Variants in LYPLA1 observed in about 807,000 individuals in gnomAD.
LYPLA1 encodes acyl-protein thioesterase 1.
In LYPLA1, 17 loss-of-function variants were observed where a neutral mutation model predicts 34.0. The observed-to-expected ratio is 0.50, with a 90% CI of 0.34 to 0.75. The LOEUF is 0.75. Ranked by LOEUF, LYPLA1 falls within the 30% of genes least tolerant of loss-of-function variation. LYPLA1 has a pLI of 0.01. For missense variants in LYPLA1, 203 were observed against 288.8 expected (o/e 0.70, Z 2.15); for synonymous variants, 98 against 100.8 (o/e 0.97, Z 0.17).
intron 2 of LYPLA1, among the ~76,000 whole-genome samples, chr8:54,093,677 CCTTTAATT>C (rs1370356249): frequency 1.3e-5 from 2 of 152,034 alleles, no homozygotes; most frequent in Non-Finnish European, 2.9e-5. Flanking sequence ...TATGTCTCAC[CCTTTAATT>C]CTTTATTTAT....
chr8:54,043,379 G>T (rs1056429076), downstream of LYPLA1, among the ~76,000 whole-genome samples: 2 of 152,202 alleles, frequency 1.3e-5, no homozygotes, highest in African/African-American at 4.8e-5. Context: ...GGATTCAAAT[G>T]ATTCTCCTGC....
chr8:54,075,225 CTG>C (rs1807798357), intron 2 of LYPLA1, among the ~76,000 whole-genome samples: 1 of 152,308 alleles, frequency 6.6e-6, no homozygotes, highest in East Asian at 1.9e-4. Context: ...CAGAAACCAG[CTG>C]CAAAGACAGA....
intron 2 of LYPLA1, among the ~76,000 whole-genome samples, chr8:54,089,462 T>C (rs1394095282): frequency 6.8e-6 from 1 of 146,576 alleles, no homozygotes; most frequent in Non-Finnish European, 1.5e-5. Context: ...TATCATAGGG[T>C]TTGGTACTCT....
chr8:54,085,606 G>A (rs1032863680), intron 2 of LYPLA1, among the ~76,000 whole-genome samples: 2 of 151,892 alleles, frequency 1.3e-5, no homozygotes, highest in Non-Finnish European at 2.9e-5. Context: ...TCTGGGATGT[G>A]AGGAGCGCCT....
intron 2 of LYPLA1, among the ~76,000 whole-genome samples, chr8:54,076,150 A>T (rs1251405952): frequency 6.6e-6 from 1 of 151,026 alleles, no homozygotes; most frequent in African/African-American, 2.5e-5. Context: ...AAACTATTAA[A>T]TGCTCTTAAT....
intron 1 of LYPLA1, chr8:54,101,485 T>G (rs1002547554): frequency 2.3e-5 from 26 of 1,116,556 alleles, no homozygotes; most frequent in Non-Finnish European, 2.8e-5. Context: ...GCTGACGCCG[T>G]GCCCTAGGCC....
At chr8:54,094,269 G>A (rs1373840452) in intron 2 of LYPLA1, among the ~76,000 whole-genome samples, 1 of 152,184 alleles carries the variant, frequency 6.6e-6, no homozygotes, top group African/African-American at 2.4e-5. Context: ...AGAGAACCAA[G>A]CTTTCCACCA....
chr8:54,052,644 A>C lies in LYPLA1; in HGVS notation c.462+11T>G. 12 of 1,594,572 alleles carry C rather than the reference A, an allele frequency of 7.5e-6. No homozygotes were observed. The highest frequency in any genetic ancestry group is 9.5e-6 in the Non-Finnish European group (11 of 1,163,148). ...TCAGTAATCTCATGTTGAGTGCATCAACCAAGTTACCTGTGGAAAGGAAGC... is the reference window on the plus strand; with the variant it reads ...TCAGTAATCTCATGTTGAGTGCATCCACCAAGTTACCTGTGGAAAGGAAGC... On this transcript the variant is annotated intron_variant, in intron 7 of 8. Coordinates refer to ENST00000316963, the MANE Select transcript of LYPLA1 (RefSeq NM_006330.4).
intron 2 of LYPLA1, among the ~76,000 whole-genome samples, chr8:54,072,934 CAAAAAAA>C (rs59257354): frequency 1.1e-5 from 1 of 91,720 alleles, no homozygotes; most frequent in Non-Finnish European, 2.8e-5. Context: ...AAGACTGAAT[CAAAAAAA>C]AAAAAAAAAA....
At chr8:54,057,231 T>C (rs766270259) in intron 5 of LYPLA1, among the ~76,000 whole-genome samples, 1 of 152,140 alleles carries the variant, frequency 6.6e-6, no homozygotes, top group Non-Finnish European at 1.5e-5. Flanking sequence ...AGCTACCATA[T>C]GAACCAGCAA....
intron 5 of LYPLA1, among the ~76,000 whole-genome samples, chr8:54,056,147 A>C (rs1806193330): frequency 6.6e-6 from 1 of 152,162 alleles, no homozygotes; most frequent in South Asian, 2.1e-4. Context: ...ATACACACAC[A>C]CCTACAGTGA....
At chr8:54,061,154 C>T (rs1257623583) in intron 5 of LYPLA1, among the ~76,000 whole-genome samples, 2 of 151,906 alleles carry the variant, frequency 1.3e-5, no homozygotes, top group East Asian at 1.9e-4. Flanking sequence ...AATCTCGGCT[C>T]ACTGAAACCT....
chr8:54,067,741 G>A (rs1807174997), intron 2 of LYPLA1, among the ~76,000 whole-genome samples: 1 of 149,972 alleles, frequency 6.7e-6, no homozygotes, highest in Admixed American at 6.7e-5. Flanking sequence ...TGTTGCCCAG[G>A]CTGGAGTGCA....
At chr8:54,096,477 G>C (rs1456015152) in intron 2 of LYPLA1, among the ~76,000 whole-genome samples, 1 of 152,132 alleles carries the variant, frequency 6.6e-6, no homozygotes, top group African/African-American at 2.4e-5. Context: ...TATGGCTCAC[G>C]CCTGTAATCC....
chr8:54,056,142 C>T (rs1363345909), intron 5 of LYPLA1, among the ~76,000 whole-genome samples: 2 of 152,162 alleles, frequency 1.3e-5, no homozygotes, highest in Admixed American at 1.3e-4. Flanking sequence ...AATCTATACA[C>T]ACACACCTAC....
chr8:54,066,709 A>C (rs1807093729), intron 2 of LYPLA1, among the ~76,000 whole-genome samples: 1 of 151,254 alleles, frequency 6.6e-6, no homozygotes, highest in Admixed American at 6.6e-5. Context: ...TGAACCCAGG[A>C]GGTGGAGGCT....
chr8:54,083,565 C>T (rs888770352), intron 2 of LYPLA1, among the ~76,000 whole-genome samples: 3 of 152,122 alleles, frequency 2.0e-5, no homozygotes, highest in Non-Finnish European at 4.4e-5. Context: ...TAGGCTTTAC[C>T]AGCCAGAAGG....
chr8:54,045,808 C>G (rs1159499310), downstream of LYPLA1, among the ~76,000 whole-genome samples: 1 of 152,230 alleles, frequency 6.6e-6, no homozygotes, highest in Non-Finnish European at 1.5e-5. Flanking sequence ...CGCCTATAAT[C>G]CCAGCACTTT....
chr8:54,059,299 GT>G lies in LYPLA1; in HGVS notation c.286+2954del, dbSNP rs573966934. Among the ~76,000 whole-genome samples, 80 of 112,682 alleles carry G rather than the reference GT, an allele frequency of 7.1e-4. 4 individuals are homozygous for G. The South Asian group carries it at 8.0e-3, about 11-fold the overall frequency. 73.9% of individuals were successfully genotyped at this position (112,682 alleles called of 152,430 possible). A position where few individuals can be genotyped will look rare whatever the true frequency, so the allele number is the denominator to read the frequency against. ...CACATCTTTTGAATGTATTTTCCCT[GT>G]TTTTTTTTTTTTTTTGAGACGGAGT... On this transcript the variant is annotated intron_variant, in intron 5 of 8. Coordinates refer to ENST00000316963, the MANE Select transcript of LYPLA1 (RefSeq NM_006330.4).
Sources: allele counts gnomAD v4.1 joint callset (sites outside exome capture counted in the v4.1 genomes callset), GRCh38; gene constraint gnomAD v4.1.1; transcripts MANE v1.5; gene names NCBI Gene and HGNC (gene_info 2026-07-23, HGNC 2026-07-21).